SLC22A13: variants seen among roughly 807,000 people sequenced by gnomAD.
The protein encoded by SLC22A13 is solute carrier family 22 member 13, also known as organic anion transporter 10.
A neutral mutation model predicts 49.1 loss-of-function variants in SLC22A13; 42 were observed. That is an observed-to-expected ratio of 0.85 (90% confidence interval 0.67 to 1.11). The LOEUF is 1.11. Among genes scored for constraint, SLC22A13 ranks in the 50% least tolerant of loss-of-function variants. The probability of loss-of-function intolerance (pLI) is 0.00; values close to 1 mark genes in which losing one functional copy is unlikely to be tolerated. For synonymous variants in SLC22A13, 282 were observed against 293.1 expected (o/e 0.96, Z 0.39); for missense variants, 694 against 712.8 (o/e 0.97, Z 0.30).
At position 38,266,340 on chromosome 3, in the gene SLC22A13, C is replaced by G. The variant is rs1254874123; in HGVS notation, c.378+102C>G. 5 of 1,351,994 alleles carry G rather than the reference C, an allele frequency of 3.7e-6. No homozygotes were observed. In the East Asian group the frequency reaches 9.2e-5, roughly 25 times the overall value. The allele number at this position is 1,351,994 out of a possible 1,614,324, so 83.7% of individuals were successfully genotyped here. A position where few individuals can be genotyped will look rare whatever the true frequency, so the allele number is the denominator to read the frequency against. On this transcript the variant is annotated intron_variant, in intron 1 of 9. Coordinates refer to ENST00000311856, the MANE Select transcript of SLC22A13 (RefSeq NM_004256.4). Reference sequence around the variant, plus strand: ...CACTGGCTCTGTATCTGCCCCATGCCCATATGGTCAACCATGGGCACATAT... The same window carrying G: ...CACTGGCTCTGTATCTGCCCCATGCGCATATGGTCAACCATGGGCACATAT...
intron 3 of SLC22A13, 67 bp downstream of exon 3, chr3:38,274,825 C>A: frequency 1.3e-6 from 2 of 1,561,472 alleles, no homozygotes; most frequent in South Asian, 2.4e-5. Flanking sequence ...GGGCCACAGC[C>A]CCAAACGGCC....
intron 1 of SLC22A13, among the ~76,000 whole-genome samples, chr3:38,272,632 C>A (rs1703534060): frequency 6.6e-6 from 1 of 152,254 alleles, no homozygotes; most frequent in African/African-American, 2.4e-5. Flanking sequence ...GCAACAATTT[C>A]AAGTCCCCTG....
At chr3:38,274,482 TC>T (rs1320261664) in intron 2 of SLC22A13, 107 bp downstream of exon 2, 1 of 1,439,154 alleles carries the variant, frequency 6.9e-7, no homozygotes, top group Non-Finnish European at 9.7e-7. Flanking sequence ...AAGGCCCTCT[TC>T]CCCCTACCCT....
intron 1 of SLC22A13, among the ~76,000 whole-genome samples, chr3:38,268,732 G>C (rs1703488250): frequency 6.6e-6 from 1 of 152,196 alleles, no homozygotes; most frequent in African/African-American, 2.4e-5. Context: ...ACATTAGTGA[G>C]TTTCATCAAA....
rs1703601545 is a variant in SLC22A13 at position 38,277,436 on chromosome 3, G to A, written c.1627G>A (p.Val543Met). 2 of 1,614,114 alleles carry A rather than the reference G, an allele frequency of 1.2e-6. No individual in the cohort carries two copies. Among genetic ancestry groups the A allele is most frequent in the Non-Finnish European group, 1.7e-6 (2 of 1,179,956 alleles). Residue 543 changes from valine to methionine, a missense_variant, in exon 10 of 10, where the codon GTG (valine) becomes ATG (methionine). Transcript: ENST00000311856. ...CAAGGGAAGAACTTCCAGCCCGGGAGTGGCCTTTGTGAGCAGCACATACTT... is the reference window on the plus strand; with the variant it reads ...CAAGGGAAGAACTTCCAGCCCGGGAATGGCCTTTGTGAGCAGCACATACTT... ...EAKGRTSSPGVAFVSSTYF is the reference protein window; with the variant it reads ...EAKGRTSSPGMAFVSSTYF
rs375190358 is a variant in SLC22A13, at chr3:38,276,075, A to G, written c.1216A>G (p.Ile406Val). The G allele has an allele frequency of 2.7e-5, 43 of 1,613,822 alleles. No homozygotes were observed. In the Middle Eastern group the frequency reaches 8.3e-4, roughly 31 times the overall value. ...GGTCTTGGGTGGCCTGATGTGTATCATCATCATCTTCATCCCAGCAGGTAT... is the reference window on the plus strand; with the variant it reads ...GGTCTTGGGTGGCCTGATGTGTATCGTCATCATCTTCATCCCAGCAGGTAT... ...TLVLGGLMCIIIIFIPADLPV... is the reference protein window; with the variant it reads ...TLVLGGLMCIVIIFIPADLPV... Residue 406 changes from isoleucine to valine, a missense_variant, in exon 7 of 10, where the codon ATC becomes GTC. By Grantham distance (29) the Ile-to-Val change is conservative. Transcript: ENST00000311856.
rs535646266 is a variant in SLC22A13 at position 38,278,733 on chromosome 3, T to G, written c.*1268T>G. Among the ~76,000 whole-genome samples, 5 of 148,394 alleles carry G rather than the reference T, an allele frequency of 3.4e-5. 1 individual carries two copies. The highest frequency in any genetic ancestry group is 1.3e-4 in the African/African-American group (5 of 39,596). On this transcript the variant is annotated 3_prime_UTR_variant, in exon 10 of 10. Transcript: ENST00000311856. ...TACTTGGGAGGCTGAGGCAGGAGAATCGCTTGAACCTGGGAGGCGGAGTTT... is the reference window on the plus strand; with the variant it reads ...TACTTGGGAGGCTGAGGCAGGAGAAGCGCTTGAACCTGGGAGGCGGAGTTT...
At chr3:38,276,197 C>T in intron 7 of SLC22A13, 90 bp from the exon 8 acceptor site, 4 of 1,493,910 alleles carry the variant, frequency 2.7e-6, no homozygotes, top group Non-Finnish European at 3.7e-6. Flanking sequence ...TAAAGGCTTC[C>T]CGGGGGTTTG....
Position 38,275,613 on chromosome 3 carries a change from C to A in SLC22A13, c.963C>A (p.Ala321=). Residue 321 remains alanine, a synonymous_variant, in exon 6 of 10, where the codon GCC becomes GCA. Coordinates refer to ENST00000311856, the MANE Select transcript of SLC22A13 (RefSeq NM_004256.4). Reference sequence around the variant, plus strand: ...AGAAGACAGGCCCCTCAGGGAATGCCCTGGATCTGTTCAGACACCCCCAGC... The same window carrying A: ...AGAAGACAGGCCCCTCAGGGAATGCACTGGATCTGTTCAGACACCCCCAGC... ...VPEKTGPSGN[A]LDLFRHPQLR... The A allele has an allele frequency of 6.2e-7, 1 of 1,614,232 alleles. No individual in the cohort carries two copies. The highest frequency in any genetic ancestry group is 8.5e-7 in the Non-Finnish European group (1 of 1,180,050).
chr3:38,274,981 T>G lies in SLC22A13; in HGVS notation c.638-8T>G. 1 of 1,613,322 alleles carries G rather than the reference T, an allele frequency of 6.2e-7. No individual in the cohort carries two copies. The highest frequency in any genetic ancestry group is 2.2e-5 in the East Asian group (1 of 44,836). On this transcript the variant is annotated splice_region_variant and splice_polypyrimidine_tract_variant and intron_variant, in intron 3 of 9. Transcript: ENST00000311856. ...ATTAGCCCTGTCTCAACCTCTCCAT[T>G]GCCACAGTGACAGAATGGGTGGGGC...
chr3:38,274,199 G>A, intron 1 of SLC22A13, 73 bp from the exon 2 acceptor site: 5 of 1,112,966 alleles, frequency 4.5e-6, no homozygotes, highest in Non-Finnish European at 5.5e-6. Context: ...TGAAGGGTTT[G>A]TAGTGGGACA....
intron 8 of SLC22A13, 83 bp downstream of exon 8, chr3:38,276,478 C>T: frequency 1.0e-6 from 1 of 969,136 alleles, no homozygotes; most frequent in Admixed American, 2.0e-5. Flanking sequence ...CCCCATTCCA[C>T]AAATAGCTGA....
intron 1 of SLC22A13, among the ~76,000 whole-genome samples, chr3:38,269,477 C>T (rs1240171866): frequency 1.3e-5 from 2 of 152,006 alleles, no homozygotes; most frequent in Non-Finnish European, 2.9e-5. Context: ...AGAGTGGTCT[C>T]GAAGTCCTGA....
rs1010533890 is a variant in SLC22A13, at chr3:38,277,601, G to A, written c.*136G>A. 9 of 611,448 alleles carry A rather than the reference G, an allele frequency of 1.5e-5. No individual in the cohort carries two copies. In the East Asian group the frequency reaches 1.8e-4, roughly 12 times the overall value. The allele number at this position is 611,448 out of a possible 1,614,324, so 37.9% of individuals were successfully genotyped here. ...GCAGGACACCACAATCTGGCCCATG[G>A]CTGTCACCTCCTGCCGAGTCCAATC... On this transcript the variant is annotated 3_prime_UTR_variant, in exon 10 of 10. Transcript: ENST00000311856.
chr3:38,277,692 C>T lies in SLC22A13; in HGVS notation c.*227C>T. ...TCCTTCACCTTTCTCATCTCCAGAGCCCTGCCCCCAATACTCTGTCTGGGT... is the reference window on the plus strand; with the variant it reads ...TCCTTCACCTTTCTCATCTCCAGAGTCCTGCCCCCAATACTCTGTCTGGGT... On this transcript the variant is annotated 3_prime_UTR_variant, in exon 10 of 10. Coordinates refer to ENST00000311856, the MANE Select transcript of SLC22A13 (RefSeq NM_004256.4). 2.1e-6 allele frequency: 1 copy of T among 478,218 alleles called. No homozygotes were observed. Among genetic ancestry groups the T allele is most frequent in the Non-Finnish European group, 3.8e-6 (1 of 265,252 alleles). 29.6% of individuals were successfully genotyped at this position (478,218 alleles called of 1,614,324 possible).
At chr3:38,276,254 G>C in intron 7 of SLC22A13, 33 bp from the exon 8 acceptor site, 1 of 1,568,260 alleles carries the variant, frequency 6.4e-7, no homozygotes. Context: ...CGGCGTCAGG[G>C]CCCAGGTGAT....
In SLC22A13 at chr3:38,278,248, G is replaced by C. The variant is rs1183630135; in HGVS notation, c.*783G>C. The C allele has an allele frequency of 1.3e-5, 2 of 152,336 alleles. No individual in the cohort carries two copies. Among genetic ancestry groups the C allele is most frequent in the Admixed American group, 1.3e-4 (2 of 15,290 alleles). 9.4% of individuals were successfully genotyped at this position (152,336 alleles called of 1,614,324 possible). A position where few individuals can be genotyped will look rare whatever the true frequency, so the allele number is the denominator to read the frequency against. ...CAGGGCCCATGCAGGGTGAGGGAAA[G>C]GGTAGAGGTCTTTTCACCGAGCTGC... On this transcript the variant is annotated 3_prime_UTR_variant, in exon 10 of 10. Coordinates refer to ENST00000311856, the MANE Select transcript of SLC22A13 (RefSeq NM_004256.4).
intron 1 of SLC22A13, among the ~76,000 whole-genome samples, chr3:38,268,745 C>A (rs1161857008): frequency 6.6e-6 from 1 of 152,146 alleles, no homozygotes; most frequent in Admixed American, 6.6e-5. Flanking sequence ...TCATCAAACA[C>A]CCAAGGGTGG....
intron 9 of SLC22A13, 31 bp from the exon 10 acceptor site, chr3:38,277,341 G>C (rs771844007): frequency 1.3e-6 from 2 of 1,537,262 alleles, no homozygotes; most frequent in Non-Finnish European, 1.8e-6. Context: ...CAATTCCTGG[G>C]CAGCCAATGA....
Sources: gnomAD v4.1 joint callset for allele counts (sites outside exome capture counted in the v4.1 genomes callset) on GRCh38, gnomAD v4.1.1 for gene constraint, MANE v1.5 for transcripts, NCBI Gene and HGNC (gene_info 2026-07-23, HGNC 2026-07-21) for gene names.